MAMLD1: variants seen among roughly 807,000 people sequenced by gnomAD.
MAMLD1 encodes mastermind like domain containing 1, also known as mastermind-like domain-containing protein 1.
In MAMLD1, 14 loss-of-function variants were observed where a neutral mutation model predicts 45.0. That is an observed-to-expected ratio of 0.31 (90% CI 0.21 to 0.49). The LOEUF (loss-of-function observed/expected upper bound fraction) is 0.49, where lower values mean the gene tolerates loss of function less well. Among genes scored for constraint, MAMLD1 ranks in the 20% least tolerant of loss-of-function variants. The pLI is 0.99. For missense variants in MAMLD1, 543 were observed against 603.6 expected, an observed-to-expected ratio of 0.90 and a Z score of 1.05; for synonymous variants, 254 against 247.8, an observed-to-expected ratio of 1.02 and a Z score of -0.24.
chrX:150,445,055 T>A (rs971164842), intron 1 of MAMLD1, among the ~76,000 whole-genome samples: 2 of 112,139 alleles, frequency 1.8e-5, no homozygotes, highest in African/African-American at 6.5e-5. Flanking sequence ...CATGTTTTCA[T>A]ATAAGGAAAT....
intron 1 of MAMLD1, among the ~76,000 whole-genome samples, chrX:150,430,191 T>C (rs1337819971): frequency 9.2e-6 from 1 of 108,994 alleles, no homozygotes; most frequent in Non-Finnish European, 1.9e-5. Context: ...AATTTTTGTA[T>C]TTTTAATAGA....
chrX:150,489,202 A>C (rs2037094127), intron 5 of MAMLD1, among the ~76,000 whole-genome samples: 1 of 111,757 alleles, frequency 8.9e-6, no homozygotes, highest in South Asian at 3.8e-4. Flanking sequence ...TAGTCAGTTC[A>C]GGCTGCTATG....
At chrX:150,438,775 G>C (rs945175913) in intron 1 of MAMLD1, among the ~76,000 whole-genome samples, 3 of 112,320 alleles carry the variant, frequency 2.7e-5, no homozygotes, top group African/African-American at 9.7e-5. Context: ...TGTACATTCG[G>C]TATGTTTCCA....
In MAMLD1 at chrX:150,503,453, C is replaced by A. The variant is rs139460988; in HGVS notation, c.2220C>A (p.Gly740=). ...GCACCTCAGAGGCAGCGCCCTGGGG[C>A]AGCTGGGATCCGAAGGCCTGGAGGC... is the stretch of plus-strand genomic sequence containing the variant. ...SYSTSEAAPW[G]SWDPKAWRQV... is the part of the protein sequence containing the mutation. Residue 740 remains glycine (G), a synonymous_variant, in exon 6 of 8, where the codon GGC becomes GGA. Coordinates refer to ENST00000370401, the MANE Select transcript of MAMLD1 (RefSeq NM_005491.5). The A allele has an allele frequency of 4.1e-3, 4,976 of 1,209,604 alleles. 13 individuals are homozygous for A. Among genetic ancestry groups the A allele is most frequent in the Non-Finnish European group, 5.1e-3 (4,559 of 894,481 alleles).
rs1287071195 is a variant in MAMLD1, at chrX:150,513,082, A to G, written c.*1123A>G. On this transcript the variant is annotated 3_prime_UTR_variant, in exon 8 of 8. Transcript: ENST00000370401. ...ATGCTGGGGCACTTTAAATCTGAGC[A>G]GGATGCCCATAGAAACCCCCATGGT... is the stretch of plus-strand genomic sequence containing the variant. 19 of 1,139,239 alleles carry G rather than the reference A, an allele frequency of 1.7e-5. No individual in the cohort carries two copies. The highest frequency in any genetic ancestry group is 2.2e-5 in the Non-Finnish European group (19 of 861,230). 93.9% of individuals were successfully genotyped at this position (1,139,239 alleles called of 1,213,427 possible).
chrX:150,469,821 T>C lies in MAMLD1; in HGVS notation c.248T>C (p.Ile83Thr). 1 of 1,211,208 alleles carries C rather than the reference T, an allele frequency of 8.3e-7. No homozygotes were observed. The highest frequency in any genetic ancestry group is 1.1e-6 in the Non-Finnish European group (1 of 895,305). ...DMADGGYPNK[I>T]KRPCLEDVTL... is the part of the protein sequence containing the mutation. Reference sequence around the variant, plus strand: ...GCTGATGGGGGCTACCCTAATAAAATTAAGAGGCCTTGCCTTGAAGATGTC... The same window carrying C: ...GCTGATGGGGGCTACCCTAATAAAACTAAGAGGCCTTGCCTTGAAGATGTC... The change falls in exon 4 of 8, where the codon ATT becomes ACT. Residue 83 changes from isoleucine (I) to threonine (T), a missense_variant. Physicochemically the swap from Ile to Thr is moderately conservative, Grantham distance 89. Coordinates refer to ENST00000370401, the MANE Select transcript of MAMLD1 (RefSeq NM_005491.5).
chrX:150,469,879 T>C lies in MAMLD1; in HGVS notation c.306T>C (p.Ser102=). The C allele has an allele frequency of 1.7e-6, 2 of 1,211,976 alleles. No individual in the cohort carries two copies. Among genetic ancestry groups the C allele is most frequent in the East Asian group, 3.0e-5 (1 of 33,845 alleles). Residue 102 remains serine, a synonymous_variant, in exon 4 of 8, where the codon AGT becomes AGC. Coordinates refer to ENST00000370401, the MANE Select transcript of MAMLD1 (RefSeq NM_005491.5). The part of the protein sequence containing the change: ...TLAMGPGAHP[S]TACAELQVPP... ...CAATGGGCCCAGGTGCTCATCCTAGTACTGCTTGTGCAGAACTGCAGGTCC... is the reference window on the plus strand; with the variant it reads ...CAATGGGCCCAGGTGCTCATCCTAGCACTGCTTGTGCAGAACTGCAGGTCC...
intron 5 of MAMLD1, among the ~76,000 whole-genome samples, chrX:150,483,833 T>C (rs1557407459): frequency 8.9e-6 from 1 of 112,721 alleles, no homozygotes; most frequent in Non-Finnish European, 1.9e-5. Flanking sequence ...GGCTGCCATT[T>C]CACATACCAC....
intron 5 of MAMLD1, among the ~76,000 whole-genome samples, chrX:150,492,796 C>G (rs1557408001): frequency 8.9e-6 from 1 of 112,373 alleles, no homozygotes; most frequent in Non-Finnish European, 1.9e-5. Flanking sequence ...CTGTCTTTAA[C>G]TCGCTTGGCA....
At chrX:150,466,801 G>A (rs1057089557) in intron 3 of MAMLD1, among the ~76,000 whole-genome samples, 1 of 111,398 alleles carries the variant, frequency 9.0e-6, no homozygotes, top group African/African-American at 3.3e-5. Context: ...GCCCCAGCTG[G>A]TACCTTTAGT....
chrX:150,482,006 AAG>A (rs2036819736), intron 5 of MAMLD1, among the ~76,000 whole-genome samples: 1 of 108,462 alleles, frequency 9.2e-6, no homozygotes, highest in African/African-American at 3.4e-5. Context: ...GAAAGAAAGA[AAG>A]AAAGAAAGAA....
intron 1 of MAMLD1, among the ~76,000 whole-genome samples, chrX:150,368,790 T>G (rs1348859233): frequency 5.3e-5 from 6 of 112,449 alleles, no homozygotes; most frequent in Admixed American, 9.4e-5. Context: ...GGCTAGCCAG[T>G]TTTCCCAGCA....
rs973548579 is a variant in MAMLD1, at chrX:150,473,684, G to C, written c.1922G>C (p.Cys641Ser). 1 of 1,211,098 alleles carries C rather than the reference G, an allele frequency of 8.3e-7. No individual in the cohort carries two copies. Among genetic ancestry groups the C allele is most frequent in the African/African-American group, 1.7e-5 (1 of 57,780 alleles). ...DSMPALPRQG[C>S]CHLFAWTSAA... ...TTTGGTTTGATTTTATTATAGGGCT[G>C]TTGCCATCTGTTTGCATGGACTTCT... is the stretch of plus-strand genomic sequence containing the variant. Residue 641 changes from cysteine (C) to serine (S), a missense_variant, in exon 5 of 8, where the codon TGT (cysteine) becomes TCT (serine). Physicochemically the swap from Cys to Ser is moderately radical, Grantham distance 112. Coordinates refer to ENST00000370401, the MANE Select transcript of MAMLD1 (RefSeq NM_005491.5).
At chrX:150,364,198 C>T (rs1242460115) in intron 1 of MAMLD1, among the ~76,000 whole-genome samples, 3 of 112,812 alleles carry the variant, frequency 2.7e-5, no homozygotes, top group Non-Finnish European at 5.6e-5. Flanking sequence ...CCCCAGCATC[C>T]GCGCGACGAC....
chrX:150,412,235 A>T (rs1311234586), intron 1 of MAMLD1, among the ~76,000 whole-genome samples: 1 of 111,061 alleles, frequency 9.0e-6, no homozygotes, highest in African/African-American at 3.3e-5. Context: ...TGTGAGAGGG[A>T]AAGATTTCAG....
At chrX:150,489,803 T>C (rs1209115210) in intron 5 of MAMLD1, among the ~76,000 whole-genome samples, 1 of 110,146 alleles carries the variant, frequency 9.1e-6, no homozygotes, top group Non-Finnish European at 1.9e-5. Context: ...TCAAGGAATG[T>C]ACTGGGGGAA....
chrX:150,393,523 G>C (rs150147441), intron 1 of MAMLD1, among the ~76,000 whole-genome samples: 76 of 112,383 alleles, frequency 6.8e-4, no homozygotes, highest in African/African-American at 1.7e-3. Context: ...ATGCCAAACT[G>C]TTTTCCAAGT....
chrX:150,373,468 A>T (rs55946854), intron 1 of MAMLD1, among the ~76,000 whole-genome samples: 10,434 of 50,342 alleles, frequency 0.21, 558 homozygotes, highest in African/African-American at 0.39. Context: ...TCTCTCTCTC[A>T]CACACACACA....
At chrX:150,375,971 C>T (rs1455361194) in intron 1 of MAMLD1, among the ~76,000 whole-genome samples, 1 of 111,608 alleles carries the variant, frequency 9.0e-6, no homozygotes, top group Non-Finnish European at 1.9e-5. Context: ...TGGGAGGAGT[C>T]CCTGGTGCTA....
Sources: allele counts gnomAD v4.1 joint callset (sites outside exome capture counted in the v4.1 genomes callset), GRCh38; gene constraint gnomAD v4.1.1; transcripts MANE v1.5; gene names NCBI Gene and HGNC (gene_info 2026-07-23, HGNC 2026-07-21).